ANO4: variants seen among roughly 807,000 people sequenced by gnomAD.
ANO4 encodes anoctamin-4.
A neutral mutation model predicts 141.9 loss-of-function variants in ANO4; 69 were observed. That is an observed-to-expected ratio of 0.49 (90% confidence interval 0.40 to 0.59). The LOEUF is 0.59. Ranked by LOEUF, ANO4 falls within the 20% of genes least tolerant of loss-of-function variation. The pLI is 0.00. For missense variants in ANO4, 894 were observed against 1,162.2 expected (o/e 0.77, Z 3.36); for synonymous variants, 350 against 394.3 (o/e 0.89, Z 1.33).
At position 100,994,587 on chromosome 12, in the gene ANO4, A is replaced by C. The variant is rs951255380; in HGVS notation, c.734+6917A>C. Reference sequence around the variant, plus strand: ...TAGACAGAAAAATGTTCTCCCCTGCATTTTCTGTGTTTTTATTATTACCAT... The same window carrying C: ...TAGACAGAAAAATGTTCTCCCCTGCCTTTTCTGTGTTTTTATTATTACCAT... On this transcript the variant is annotated intron_variant, in intron 8 of 27. Transcript: ENST00000392977. Among the ~76,000 whole-genome samples, 3 of 152,234 alleles carry C rather than the reference A, an allele frequency of 2.0e-5. No individual in the cohort carries two copies. In the East Asian group the frequency reaches 5.8e-4, roughly 29 times the overall value.
chr12:100,718,034 C>T (rs1245681003), intron 1 of ANO4, among the ~76,000 whole-genome samples: 1 of 152,002 alleles, frequency 6.6e-6, no homozygotes, highest in Non-Finnish European at 1.5e-5. Context: ...ATAATATGCA[C>T]TGTAACATGT....
At chr12:100,953,748 T>C (rs2043069097) in intron 5 of ANO4, among the ~76,000 whole-genome samples, 1 of 152,132 alleles carries the variant, frequency 6.6e-6, no homozygotes, top group Admixed American at 6.5e-5. Flanking sequence ...CAAAGAGAAA[T>C]TGGAATTTGC....
intron 3 of ANO4, among the ~76,000 whole-genome samples, chr12:100,750,970 C>A (rs1298474787): frequency 6.6e-6 from 1 of 152,044 alleles, no homozygotes; most frequent in African/African-American, 2.4e-5. Context: ...GGAAGCATAA[C>A]CAGGCAGAGG....
At chr12:100,977,310 A>G (rs1414031510) in intron 7 of ANO4, among the ~76,000 whole-genome samples, 1 of 151,988 alleles carries the variant, frequency 6.6e-6, no homozygotes, top group Non-Finnish European at 1.5e-5. Context: ...AACTGTTCTG[A>G]GTTTATCTGC....
chr12:100,745,142 C>T (rs762308786), intron 3 of ANO4, among the ~76,000 whole-genome samples: 6 of 152,210 alleles, frequency 3.9e-5, no homozygotes, highest in Admixed American at 3.9e-4. Context: ...TCCAGCATGT[C>T]TCACCGCTCT....
intron 1 of ANO4, among the ~76,000 whole-genome samples, chr12:100,884,786 C>T (rs1416833462): frequency 6.6e-6 from 1 of 152,162 alleles, no homozygotes; most frequent in Non-Finnish European, 1.5e-5. Context: ...TCTCTGCCTC[C>T]CGCATTCAAG....
chr12:100,930,689 T>TA (rs2042055593), intron 3 of ANO4, among the ~76,000 whole-genome samples: 1 of 152,172 alleles, frequency 6.6e-6, no homozygotes, highest in Non-Finnish European at 1.5e-5. Flanking sequence ...GTCATATCTG[T>TA]AATAACTAGA....
At chr12:100,931,106 C>A (rs1333293452) in intron 3 of ANO4, among the ~76,000 whole-genome samples, 1 of 152,018 alleles carries the variant, frequency 6.6e-6, no homozygotes, top group Admixed American at 6.6e-5. Flanking sequence ...CAGCCTTTGC[C>A]TTAGGGATGC....
intron 22 of ANO4, among the ~76,000 whole-genome samples, chr12:101,108,030 G>A (rs2050516801): frequency 6.6e-6 from 1 of 152,174 alleles, no homozygotes; most frequent in African/African-American, 2.4e-5. Context: ...GACATAAAAG[G>A]ATAAATACGT....
intron 7 of ANO4, among the ~76,000 whole-genome samples, chr12:100,981,444 AAGGAAGGAAGGAAGGAAGAAAGGAAGGG>A (rs2044455382): frequency 7.9e-6 from 1 of 127,352 alleles, no homozygotes; most frequent in Admixed American, 9.7e-5. Context: ...GGAGGGAAGG[AAGGAAGGAAGGAAGGAAGAAAGGAAGGG>A]AGGGAGGGAG....
chr12:100,949,975 G>A (rs2042902842), intron 5 of ANO4, among the ~76,000 whole-genome samples: 2 of 152,144 alleles, frequency 1.3e-5, no homozygotes, highest in African/African-American at 4.8e-5. Context: ...CTAATCTCAT[G>A]CAGATGGCTC....
At chr12:101,043,166 A>C (rs1343913362) in intron 12 of ANO4, among the ~76,000 whole-genome samples, 3 of 152,230 alleles carry the variant, frequency 2.0e-5, no homozygotes, top group African/African-American at 7.2e-5. Context: ...TTAACTTATC[A>C]TACACATAGA....
chr12:100,785,546 G>A (rs1220981472), intron 3 of ANO4, among the ~76,000 whole-genome samples: 1 of 152,164 alleles, frequency 6.6e-6, no homozygotes, highest in Non-Finnish European at 1.5e-5. Context: ...ATGCATTTAA[G>A]ATTCCCTCAT....
intron 1 of ANO4, among the ~76,000 whole-genome samples, chr12:100,876,166 G>T (rs1214388566): frequency 6.6e-6 from 1 of 151,574 alleles, no homozygotes; most frequent in Admixed American, 6.6e-5. Context: ...GCTTGTCCTG[G>T]GAGGAATTCT....
chr12:100,828,128 C>T (rs937306193), intron 1 of ANO4, among the ~76,000 whole-genome samples: 2 of 152,038 alleles, frequency 1.3e-5, no homozygotes, highest in African/African-American at 4.8e-5. Context: ...TCCACTGTCT[C>T]ATTGGGCTTG....
At chr12:101,010,693 G>A (rs561138619) in intron 8 of ANO4, among the ~76,000 whole-genome samples, 13 of 152,148 alleles carry the variant, frequency 8.5e-5, no homozygotes, top group African/African-American at 3.1e-4. Context: ...GCTTCTCCTT[G>A]TTAAAAAAGA....
At chr12:100,938,483 C>T (rs1224630298) in intron 3 of ANO4, among the ~76,000 whole-genome samples, 1 of 152,120 alleles carries the variant, frequency 6.6e-6, no homozygotes, top group South Asian at 2.1e-4. Context: ...GGTTATAAAC[C>T]CTCAGCCATT....
intron 3 of ANO4, among the ~76,000 whole-genome samples, chr12:100,769,693 A>G (rs2033218332): frequency 6.6e-6 from 1 of 152,198 alleles, no homozygotes; most frequent in Non-Finnish European, 1.5e-5. Flanking sequence ...GCATTCTAGA[A>G]TGATGTATTT....
At chr12:100,778,628 A>G (rs1265430741) in intron 3 of ANO4, among the ~76,000 whole-genome samples, 1 of 152,132 alleles carries the variant, frequency 6.6e-6, no homozygotes, top group Non-Finnish European at 1.5e-5. Context: ...GGTTCCTGGG[A>G]TCTCCACCTG....
Sources: gnomAD v4.1 joint callset for allele counts (sites outside exome capture counted in the v4.1 genomes callset) on GRCh38, gnomAD v4.1.1 for gene constraint, MANE v1.5 for transcripts, NCBI Gene and HGNC (gene_info 2026-07-23, HGNC 2026-07-21) for gene names.